Variants in ESR2 observed in about 807,000 individuals in gnomAD.
ESR2 encodes estrogen receptor 2.
ESR2 carries 36 observed loss-of-function variants against 49.6 expected under a neutral mutation model. That is an observed-to-expected ratio of 0.73 (90% CI 0.56 to 0.96). ESR2 has a LOEUF of 0.96. Among genes scored for constraint, ESR2 ranks in the 40% least tolerant of loss-of-function variants. The probability of loss-of-function intolerance (pLI) is 0.00; values close to 1 mark genes in which losing one functional copy is unlikely to be tolerated. For synonymous variants in ESR2, 320 were observed against 266.1 expected (o/e 1.20, Z -1.97); for missense variants, 714 against 693.0 (o/e 1.03, Z -0.34).
At chr14:64,242,416 A>C (rs2075747881) in intron 7 of ESR2, among the ~76,000 whole-genome samples, 1 of 126,874 alleles carries the variant, frequency 7.9e-6, no homozygotes, top group South Asian at 2.3e-4. Context: ...AAAAAAAAAA[A>C]ACAAAAAAAA....
chr14:64,302,532 C>T (rs2077038552), intron 1 of ESR2, among the ~76,000 whole-genome samples: 1 of 152,042 alleles, frequency 6.6e-6, no homozygotes. Flanking sequence ...GCCCCCTCCC[C>T]CAAAATGTTC....
chr14:64,279,642 A>G (rs764900469), intron 3 of ESR2, among the ~76,000 whole-genome samples: 4 of 152,230 alleles, frequency 2.6e-5, no homozygotes, highest in Non-Finnish European at 4.4e-5. Context: ...ATTTAAGTAA[A>G]AGAAAGAAAC....
chr14:64,293,920 T>C (rs1001105696), intron 1 of ESR2, 113 bp downstream of exon 1: 1 of 152,224 alleles, frequency 6.6e-6, no homozygotes, highest in African/African-American at 2.4e-5. Context: ...GGACAGTTGG[T>C]TTTGGTGATC....
intron 7 of ESR2, 104 bp downstream of exon 7, chr14:64,249,442 C>A (rs1183079938): frequency 7.6e-7 from 1 of 1,315,568 alleles, no homozygotes; most frequent in Non-Finnish European, 1.1e-6. Context: ...ACCATTTTAC[C>A]CTTTCAAATA....
At chr14:64,288,035 C>T (rs1181465771) in intron 1 of ESR2, among the ~76,000 whole-genome samples, 2 of 152,186 alleles carry the variant, frequency 1.3e-5, no homozygotes, top group East Asian at 3.9e-4. Flanking sequence ...TTTCTTTAGT[C>T]ACCATAACCT....
chr14:64,237,240 G>A (rs991502695), intron 7 of ESR2, among the ~76,000 whole-genome samples: 5 of 152,146 alleles, frequency 3.3e-5, no homozygotes, highest in African/African-American at 7.2e-5. Flanking sequence ...GATTACAAGC[G>A]TGAGCCACTG....
In ESR2 at chr14:64,229,680, A is replaced by G. The variant is rs2098725432; in HGVS notation, c.*3457T>C. Among the ~76,000 whole-genome samples the G allele has an allele frequency of 6.6e-6, 1 of 152,184 alleles. No homozygotes were observed. Among genetic ancestry groups the G allele is most frequent in the East Asian group, 1.9e-4 (1 of 5,200 alleles). Reference sequence around the variant, plus strand: ...ACTTGGACTGCCTGTGTTCAGCTCAATCACCTACTCCCCACGTGACCTTCA... The same window carrying G: ...ACTTGGACTGCCTGTGTTCAGCTCAGTCACCTACTCCCCACGTGACCTTCA... On this transcript the variant is annotated 3_prime_UTR_variant, in exon 9 of 9. Transcript: ENST00000341099.
At chr14:64,247,821 A>C (rs536341613) in intron 7 of ESR2, among the ~76,000 whole-genome samples, 1 of 152,352 alleles carries the variant, frequency 6.6e-6, no homozygotes, top group South Asian at 2.1e-4. Flanking sequence ...TATTTATTGC[A>C]GTAATGTTTA....
intron 1 of ESR2, among the ~76,000 whole-genome samples, chr14:64,322,146 C>T (rs1422688443): frequency 3.9e-5 from 6 of 152,168 alleles, no homozygotes; most frequent in Admixed American, 6.5e-5. Context: ...GCAACCTCCG[C>T]CTCCTGGGTT....
At chr14:64,234,517 A>T (rs1480038971) in intron 8 of ESR2, 2 of 181,174 alleles carry the variant, frequency 1.1e-5, no homozygotes, top group African/African-American at 4.7e-5. Flanking sequence ...TAATTTCCTG[A>T]TGCCACCGAA....
chr14:64,304,860 A>T (rs2077069449), intron 1 of ESR2, among the ~76,000 whole-genome samples: 1 of 152,200 alleles, frequency 6.6e-6, no homozygotes, highest in Non-Finnish European at 1.5e-5. Context: ...TGGGCAACAG[A>T]GCGAGACATT....
chr14:64,236,201 A>T (rs1340230776), intron 7 of ESR2, among the ~76,000 whole-genome samples: 1 of 152,208 alleles, frequency 6.6e-6, no homozygotes, highest in Non-Finnish European at 1.5e-5. Flanking sequence ...ATTCTGAAGC[A>T]CAATTACGTA....
At chr14:64,313,573 GAGAA>G (rs1300159495) in intron 1 of ESR2, among the ~76,000 whole-genome samples, 53 of 148,242 alleles carry the variant, frequency 3.6e-4, no homozygotes, top group African/African-American at 1.2e-3. Flanking sequence ...GAGAGAGAAA[GAGAA>G]AGAAAGAAAG....
intron 7 of ESR2, among the ~76,000 whole-genome samples, chr14:64,239,650 A>C (rs1408676854): frequency 2.6e-5 from 4 of 152,236 alleles, no homozygotes; most frequent in African/African-American, 9.6e-5. Flanking sequence ...CTATTTTATT[A>C]ACTATGACAC....
chr14:64,245,467 G>A (rs1018676071), intron 7 of ESR2, among the ~76,000 whole-genome samples: 3 of 125,056 alleles, frequency 2.4e-5, no homozygotes, highest in Admixed American at 1.1e-4. Context: ...AGCCAAGATC[G>A]CACCATTGCA....
chr14:64,274,624 A>G (rs1260178101), intron 3 of ESR2, among the ~76,000 whole-genome samples: 1 of 151,458 alleles, frequency 6.6e-6, no homozygotes, highest in Non-Finnish European at 1.5e-5. Context: ...TCTTTTTATG[A>G]ATATTTCTTT....
At chr14:64,288,310 C>T (rs2076814105) in intron 1 of ESR2, among the ~76,000 whole-genome samples, 1 of 151,196 alleles carries the variant, frequency 6.6e-6, no homozygotes, top group African/African-American at 2.4e-5. Flanking sequence ...AAAAGTTTGG[C>T]CCTAGAAATG....
chr14:64,252,340 G>A (rs556084475), intron 6 of ESR2, among the ~76,000 whole-genome samples: 14 of 151,750 alleles, frequency 9.2e-5, no homozygotes, highest in Admixed American at 2.0e-4. Flanking sequence ...CAAAAACAGG[G>A]CATATGATTT....
At chr14:64,324,260 T>C (rs2077363085) in intron 1 of ESR2, among the ~76,000 whole-genome samples, 1 of 152,184 alleles carries the variant, frequency 6.6e-6, no homozygotes, top group Non-Finnish European at 1.5e-5. Context: ...ACTTTCCATA[T>C]TATATTGATG....
Sources: allele counts gnomAD v4.1 joint callset (sites outside exome capture counted in the v4.1 genomes callset), GRCh38; gene constraint gnomAD v4.1.1; transcripts MANE v1.5; gene names NCBI Gene and HGNC (gene_info 2026-07-23, HGNC 2026-07-21).